STPG2: variants seen among roughly 807,000 people sequenced by gnomAD.
STPG2 encodes the protein sperm-tail PG-rich repeat-containing protein 2.
STPG2 carries 56 observed loss-of-function variants against 54.2 expected under a neutral mutation model. That is an observed-to-expected ratio of 1.03 (90% confidence interval 0.83 to 1.29). STPG2 has a LOEUF of 1.29. Ranked by LOEUF, STPG2 falls within the 50% of genes most tolerant of loss-of-function variation. The pLI is 0.00. For synonymous variants in STPG2, 200 were observed against 181.8 expected (o/e 1.10, Z -0.81); for missense variants, 596 against 544.9 (o/e 1.09, Z -0.93).
At chr4:97,551,715 A>C (rs2148867955) in intron 4 of STPG2, among the ~76,000 whole-genome samples, 1 of 152,388 alleles carries the variant, frequency 6.6e-6, no homozygotes, top group South Asian at 2.1e-4. Context: ...TATAATATCA[A>C]GATGAGGAGC....
At chr4:97,478,510 A>G (rs1192905273) in intron 4 of STPG2, among the ~76,000 whole-genome samples, 4 of 152,110 alleles carry the variant, frequency 2.6e-5, no homozygotes. Flanking sequence ...GCCAATTAGT[A>G]GGGCAGTATT....
At chr4:97,631,441 T>C (rs75291030) in intron 10 of STPG2, among the ~76,000 whole-genome samples, 1 of 152,062 alleles carries the variant, frequency 6.6e-6, no homozygotes, top group Admixed American at 6.6e-5. Context: ...ATTGGGTTCA[T>C]GCAAACAAAA....
intron 10 of STPG2, among the ~76,000 whole-genome samples, chr4:97,564,230 G>C (rs540395865): frequency 3.2e-4 from 49 of 152,214 alleles, no homozygotes; most frequent in Admixed American, 5.2e-4. Context: ...TTTAAAGTCT[G>C]TTTTATCAGA....
intron 7 of STPG2, among the ~76,000 whole-genome samples, chr4:97,951,701 A>G (rs1733478470): frequency 6.6e-6 from 1 of 152,128 alleles, no homozygotes; most frequent in Non-Finnish European, 1.5e-5. Flanking sequence ...ACGGAGTTGG[A>G]ATAGCAGAGG....
intron 9 of STPG2, among the ~76,000 whole-genome samples, chr4:97,763,242 T>C (rs527768422): frequency 6.6e-6 from 1 of 152,170 alleles, no homozygotes; most frequent in Non-Finnish European, 1.5e-5. Context: ...CAGCATACAG[T>C]TGTCTATATA....
At chr4:97,555,911 T>C (rs995877783), downstream of STPG2, among the ~76,000 whole-genome samples, 1 of 152,104 alleles carries the variant, frequency 6.6e-6, no homozygotes, top group Non-Finnish European at 1.5e-5. Context: ...ATCAGCTACA[T>C]ATATTTATCA....
chr4:97,831,763 A>T (rs1019503912), intron 9 of STPG2, among the ~76,000 whole-genome samples: 1 of 152,224 alleles, frequency 6.6e-6, no homozygotes, highest in African/African-American at 2.4e-5. Flanking sequence ...TAAACTAGAA[A>T]ATCTAGAAGA....
At chr4:98,011,107 C>T (rs1338020016) in intron 5 of STPG2, among the ~76,000 whole-genome samples, 1 of 152,140 alleles carries the variant, frequency 6.6e-6, no homozygotes, top group Non-Finnish European at 1.5e-5. Flanking sequence ...CTCTCCCTCC[C>T]CCTGTGCTCT....
intron 8 of STPG2, among the ~76,000 whole-genome samples, chr4:97,890,718 T>C (rs1730736682): frequency 6.6e-6 from 1 of 151,942 alleles, no homozygotes; most frequent in African/African-American, 2.4e-5. Context: ...GGTAAATGTC[T>C]GAAGTGATAG....
chr4:97,531,639 T>G, intron 4 of STPG2, among the ~76,000 whole-genome samples: 1 of 152,154 alleles, frequency 6.6e-6, no homozygotes, highest in Non-Finnish European at 1.5e-5. Context: ...TTCTCACTTA[T>G]TTGTGGGAGC....
intron 5 of STPG2, among the ~76,000 whole-genome samples, chr4:98,024,568 C>T (rs1239169043): frequency 6.6e-6 from 1 of 152,086 alleles, no homozygotes; most frequent in Non-Finnish European, 1.5e-5. Context: ...ATATGTAGCA[C>T]ACATAAGCAA....
intron 9 of STPG2, among the ~76,000 whole-genome samples, chr4:97,828,384 C>T (rs960216489): frequency 7.9e-5 from 12 of 152,190 alleles, no homozygotes; most frequent in South Asian, 4.1e-4. Context: ...CTAAGACCTT[C>T]GCAACCCGCA....
intron 4 of STPG2, among the ~76,000 whole-genome samples, chr4:97,475,855 C>T (rs946722611): frequency 2.6e-5 from 4 of 152,100 alleles, no homozygotes; most frequent in Non-Finnish European, 5.9e-5. Flanking sequence ...TTTCCCTGGC[C>T]GCTTATCTAA....
At chr4:97,985,635 A>G (rs1336790384) in intron 5 of STPG2, among the ~76,000 whole-genome samples, 1 of 152,164 alleles carries the variant, frequency 6.6e-6, no homozygotes, top group Non-Finnish European at 1.5e-5. Context: ...ATTCATATTC[A>G]AATAAACATT....
chr4:97,498,154 T>C (rs1239093233), intron 4 of STPG2, among the ~76,000 whole-genome samples: 3 of 152,010 alleles, frequency 2.0e-5, no homozygotes, highest in Non-Finnish European at 4.4e-5. Flanking sequence ...AAACATAGTC[T>C]AGTCCCCATG....
At chr4:97,658,884 G>A (rs553424070) in intron 10 of STPG2, among the ~76,000 whole-genome samples, 53 of 152,290 alleles carry the variant, frequency 3.5e-4, no homozygotes, top group African/African-American at 1.3e-3. Flanking sequence ...AAATGCATAT[G>A]CTATAGAAAT....
At chr4:97,849,342 T>A (rs912675084) in intron 8 of STPG2, among the ~76,000 whole-genome samples, 6 of 152,132 alleles carry the variant, frequency 3.9e-5, no homozygotes, top group African/African-American at 1.4e-4. Context: ...GGCATTACCA[T>A]TCAGGACATA....
chr4:97,772,434 A>T (rs2149063522), intron 9 of STPG2, among the ~76,000 whole-genome samples: 1 of 152,332 alleles, frequency 6.6e-6, no homozygotes, highest in Non-Finnish European at 1.5e-5. Context: ...ATATACTGAC[A>T]GTCAATACCC....
chr4:97,716,232 G>A (rs1724284109), intron 9 of STPG2, among the ~76,000 whole-genome samples: 2 of 152,060 alleles, frequency 1.3e-5, no homozygotes, highest in South Asian at 4.1e-4. Flanking sequence ...AAACAGGAAT[G>A]CTTTTACATT....
Sources: gnomAD v4.1 joint callset for allele counts (sites outside exome capture counted in the v4.1 genomes callset) on GRCh38, gnomAD v4.1.1 for gene constraint, MANE v1.5 for transcripts, NCBI Gene and HGNC (gene_info 2026-07-23, HGNC 2026-07-21) for gene names.